The following WBP2NL variants were observed in gnomAD, a reference collection of about 807,000 sequenced individuals.
The protein encoded by WBP2NL is WBP2 N-terminal like, also known as postacrosomal sheath WW domain-binding protein.
A neutral mutation model predicts 23.3 loss-of-function variants in WBP2NL; 27 were observed. That is an observed-to-expected ratio of 1.16 (90% confidence interval 0.85 to 1.60). The LOEUF (loss-of-function observed/expected upper bound fraction) is 1.60, where lower values mean the gene tolerates loss of function less well. WBP2NL is among the 40% of genes most tolerant of loss of function. The pLI is 0.00. For missense variants in WBP2NL, 370 were observed against 389.5 expected (o/e 0.95, Z 0.42); for synonymous variants, 151 against 145.9 (o/e 1.03, Z -0.25).
downstream of WBP2NL, among the ~76,000 whole-genome samples, chr22:42,037,128 TTGTGTGTGTG>T (rs3045493): frequency 0.054 from 8,015 of 148,178 alleles, 533 homozygotes; most frequent in African/African-American, 0.16. Flanking sequence ...CAGATTTCAT[TTGTGTGTGTG>T]TGTGTGTGTG....
chr22:42,045,449 A>G (rs190863064), intron 8 of WBP2NL, among the ~76,000 whole-genome samples: 1 of 152,212 alleles, frequency 6.6e-6, no homozygotes, highest in African/African-American at 2.4e-5. Flanking sequence ...AAAAAACAAA[A>G]CAAACAAACA....
At chr22:42,016,196 G>A (rs538597902) in intron 1 of WBP2NL, among the ~76,000 whole-genome samples, 1 of 151,954 alleles carries the variant, frequency 6.6e-6, no homozygotes, top group East Asian at 1.9e-4. Flanking sequence ...GGTCATGCTG[G>A]TCTTGAACTC....
chr22:42,041,718 A>T (rs147220706), intron 8 of WBP2NL, among the ~76,000 whole-genome samples: 1 of 152,142 alleles, frequency 6.6e-6, no homozygotes, highest in East Asian at 1.9e-4. Context: ...TTGTAGTGTT[A>T]TGGGTAAATT....
intron 8 of WBP2NL, among the ~76,000 whole-genome samples, chr22:42,053,720 A>C (rs1925924002): frequency 6.6e-6 from 1 of 152,044 alleles, no homozygotes; most frequent in African/African-American, 2.4e-5. Context: ...GGCCTCCCAA[A>C]GTGCTGGAAT....
downstream of WBP2NL, among the ~76,000 whole-genome samples, chr22:42,035,390 A>G (rs1204297957): frequency 6.6e-6 from 1 of 152,026 alleles, no homozygotes; most frequent in African/African-American, 2.4e-5. Context: ...CCCTGAGAGC[A>G]CAGGGATGCC....
chr22:42,009,821 A>G (rs1569447078), intron 1 of WBP2NL, among the ~76,000 whole-genome samples: 1 of 152,132 alleles, frequency 6.6e-6, no homozygotes, highest in African/African-American at 2.4e-5. Context: ...GAATTTTATG[A>G]TGTCGCTTTC....
At chr22:42,012,972 A>C (rs1922960659) in intron 1 of WBP2NL, among the ~76,000 whole-genome samples, 1 of 151,114 alleles carries the variant, frequency 6.6e-6, no homozygotes, top group Admixed American at 6.6e-5. Flanking sequence ...AGTTTGGGCA[A>C]TGGAGCATGA....
intron 8 of WBP2NL, among the ~76,000 whole-genome samples, chr22:42,053,914 C>G (rs2146826504): frequency 6.6e-6 from 1 of 152,150 alleles, no homozygotes; most frequent in African/African-American, 2.4e-5. Flanking sequence ...ATATGATTTA[C>G]AAATGCTGCA....
At chr22:42,023,053 G>A (rs1924115109) in intron 5 of WBP2NL, among the ~76,000 whole-genome samples, 3 of 152,110 alleles carry the variant, frequency 2.0e-5, no homozygotes, top group Admixed American at 2.0e-4. Context: ...CATTTTTTCA[G>A]TTGGTGAAAT....
chr22:42,047,686 G>C (rs1305264525), intron 8 of WBP2NL, among the ~76,000 whole-genome samples: 6 of 130,080 alleles, frequency 4.6e-5, no homozygotes, highest in African/African-American at 7.3e-5. Flanking sequence ...CAGTGGCGCC[G>C]TCTCAGCTTA....
chr22:42,046,746 G>A (rs1233970311), intron 8 of WBP2NL, among the ~76,000 whole-genome samples: 3 of 152,128 alleles, frequency 2.0e-5, no homozygotes, highest in Admixed American at 2.0e-4. Context: ...TTTTAGGAAG[G>A]AGGTAATTGT....
chr22:42,020,228 C>T (rs924518758), intron 4 of WBP2NL, 132 bp downstream of exon 4: 20 of 877,414 alleles, frequency 2.3e-5, no homozygotes, highest in South Asian at 7.1e-5. Flanking sequence ...TTTTGTAAGT[C>T]GGGGTTTCAC....
intron 8 of WBP2NL, among the ~76,000 whole-genome samples, chr22:42,048,755 C>CAAAAAAA (rs34128048): frequency 9.1e-6 from 1 of 109,856 alleles, no homozygotes; most frequent in Non-Finnish European, 1.8e-5. Flanking sequence ...GACTCGGTCT[C>CAAAAAAA]AAAAAAAAAA....
rs1924699114 is a variant in WBP2NL, at chr22:42,028,445, A to C, written c.*1264A>C. The C allele has an allele frequency of 5.9e-6, 1 of 170,874 alleles. No individual in the cohort carries two copies. Among genetic ancestry groups the C allele is most frequent in the Non-Finnish European group, 1.2e-5 (1 of 81,008 alleles). The allele number at this position is 170,874 out of a possible 1,614,324, so 10.6% of individuals were successfully genotyped here. A position where few individuals can be genotyped will look rare whatever the true frequency, so the allele number is the denominator to read the frequency against. On this transcript the variant is annotated 3_prime_UTR_variant, in exon 6 of 6. Transcript: ENST00000328823. ...CCAAAATTAATAGGCCATAAATGTG[A>C]TAGAGGAAATAAAAGGAGTTTGTAG...
chr22:42,024,280 G>A (rs753780361), intron 5 of WBP2NL, among the ~76,000 whole-genome samples: 3 of 152,050 alleles, frequency 2.0e-5, no homozygotes, highest in Non-Finnish European at 2.9e-5. Flanking sequence ...TGGCTATTAC[G>A]AATACTAGCT....
intron 1 of WBP2NL, among the ~76,000 whole-genome samples, chr22:42,002,309 G>A (rs183089555): frequency 1.1e-3 from 165 of 152,240 alleles, no homozygotes; most frequent in African/African-American, 3.8e-3. Context: ...CCAGCCAGGC[G>A]TGGTGGCTCA....
downstream of WBP2NL, among the ~76,000 whole-genome samples, chr22:42,030,289 T>C (rs1036759381): frequency 3.3e-5 from 5 of 152,248 alleles, no homozygotes; most frequent in Non-Finnish European, 7.3e-5. Flanking sequence ...GGACTTCAGG[T>C]ATCTGGAGTA....
chr22:42,005,520 AAAAT>A (rs1178561257), intron 1 of WBP2NL, among the ~76,000 whole-genome samples: 5 of 152,150 alleles, frequency 3.3e-5, no homozygotes, highest in South Asian at 4.1e-4. Flanking sequence ...CTCTGTCTCA[AAAAT>A]AAATAAATAA....
chr22:42,010,988 G>A (rs757259313), intron 1 of WBP2NL, among the ~76,000 whole-genome samples: 4 of 152,054 alleles, frequency 2.6e-5, no homozygotes, highest in Admixed American at 6.6e-5. Context: ...ACCCCATTTG[G>A]TCATAGTGTA....
Sources: gnomAD v4.1 joint callset for allele counts (sites outside exome capture counted in the v4.1 genomes callset) on GRCh38, gnomAD v4.1.1 for gene constraint, MANE v1.5 for transcripts, NCBI Gene and HGNC (gene_info 2026-07-23, HGNC 2026-07-21) for gene names.